Variants in SHROOM3 observed in about 807,000 individuals in gnomAD.
SHROOM3 encodes protein Shroom3.
In SHROOM3, 47 loss-of-function variants were observed where a neutral mutation model predicts 138.6. The observed-to-expected ratio is 0.34, with a 90% CI of 0.27 to 0.43. SHROOM3 has a LOEUF of 0.43. SHROOM3 is among the 20% of genes least tolerant of loss of function. The pLI, the probability that SHROOM3 is intolerant of heterozygous loss-of-function variation, is 1.00. For synonymous variants in SHROOM3, 1,062 were observed against 1,063.3 expected (o/e 1.00, Z 0.02); for missense variants, 2,491 against 2,596.5 (o/e 0.96, Z 0.88).
chr4:76,486,547 G>C (rs533574600), intron 1 of SHROOM3, among the ~76,000 whole-genome samples: 2 of 152,266 alleles, frequency 1.3e-5, no homozygotes, highest in African/African-American at 4.8e-5. Context: ...AAAGTAAAAA[G>C]AAAAAGAGGG....
chr4:76,551,521 A>G (rs1733352469), intron 1 of SHROOM3, among the ~76,000 whole-genome samples: 1 of 152,206 alleles, frequency 6.6e-6, no homozygotes, highest in Admixed American at 6.5e-5. Context: ...ACCATAGCTG[A>G]CCACAGTAGT....
At chr4:76,617,015 C>G (rs1409925161) in intron 2 of SHROOM3, among the ~76,000 whole-genome samples, 1 of 152,154 alleles carries the variant, frequency 6.6e-6, no homozygotes, top group Non-Finnish European at 1.5e-5. Flanking sequence ...AAAAATCAAC[C>G]TACTTTGCAT....
chr4:76,571,945 TG>T (rs1733840302), intron 2 of SHROOM3, among the ~76,000 whole-genome samples: 1 of 152,150 alleles, frequency 6.6e-6, no homozygotes, highest in Non-Finnish European at 1.5e-5. Context: ...GATTTGTCTT[TG>T]TGCTCTGCTA....
At chr4:76,522,404 C>T (rs575641325) in intron 1 of SHROOM3, among the ~76,000 whole-genome samples, 61 of 151,842 alleles carry the variant, frequency 4.0e-4, no homozygotes, top group Non-Finnish European at 7.8e-4. Flanking sequence ...GGTAAAATGT[C>T]ATGCCTAAAG....
intron 1 of SHROOM3, among the ~76,000 whole-genome samples, chr4:76,442,404 G>GTTTT (rs59712445): frequency 1.8e-5 from 2 of 112,354 alleles, no homozygotes; most frequent in African/African-American, 3.3e-5. Flanking sequence ...GCCCTTTATA[G>GTTTT]TTTTTTTTTT....
chr4:76,600,890 T>G (rs1277452410), intron 2 of SHROOM3, among the ~76,000 whole-genome samples: 12 of 152,234 alleles, frequency 7.9e-5, no homozygotes, highest in Non-Finnish European at 2.9e-5. Flanking sequence ...TAAGTATTAC[T>G]GGTTTTGATT....
intron 1 of SHROOM3, among the ~76,000 whole-genome samples, chr4:76,447,266 A>G (rs1305985743): frequency 1.3e-5 from 2 of 152,226 alleles, no homozygotes; most frequent in Non-Finnish European, 2.9e-5. Context: ...AGCACTTTGT[A>G]TATTAAAGTG....
At chr4:76,751,483 A>T (rs1560614203) in intron 6 of SHROOM3, among the ~76,000 whole-genome samples, 1 of 152,222 alleles carries the variant, frequency 6.6e-6, no homozygotes, top group Non-Finnish European at 1.5e-5. Flanking sequence ...TTCATGGGTC[A>T]CAAAGAGACA....
intron 2 of SHROOM3, among the ~76,000 whole-genome samples, chr4:76,590,732 T>C (rs73828174): frequency 1.3e-5 from 2 of 151,974 alleles, no homozygotes; most frequent in Admixed American, 1.3e-4. Context: ...AAGTCTTTCT[T>C]TGGAAAAGAA....
chr4:76,741,414 T>A lies in SHROOM3; in HGVS notation c.3241T>A (p.Phe1081Ile). ...CCTGTCGGGGCCCGAGCTGAAGCAGTTCCAGCAGAGCGCCCTGGCGGACTA... is the reference window on the plus strand; with the variant it reads ...CCTGTCGGGGCCCGAGCTGAAGCAGATCCAGCAGAGCGCCCTGGCGGACTA... Reference protein sequence around the residue: ...LSLSGPELKQFQQSALADYIQ... With the variant: ...LSLSGPELKQIQQSALADYIQ... The change falls in exon 5 of 11, where the codon TTC becomes ATC. Residue 1081 changes from phenylalanine to isoleucine, a missense_variant. Phe to Ile is a conservative substitution (Grantham distance 21, BLOSUM62 0). Around this residue, in one of 4 missense-constraint regions of SHROOM3, gnomAD observed 1,733 missense variants for 1,661.6 expected, o/e 1.04. Coordinates refer to ENST00000296043, the MANE Select transcript of SHROOM3 (RefSeq NM_020859.4). The surrounding 1 kb of genome is among the most constrained non-coding windows in gnomAD (Gnocchi z 6.2). 6.3e-7 allele frequency: 1 copy of A among 1,598,708 alleles called. No homozygotes were observed.
chr4:76,448,727 CT>C (rs1261688238), intron 1 of SHROOM3, among the ~76,000 whole-genome samples: 1 of 152,170 alleles, frequency 6.6e-6, no homozygotes, highest in African/African-American at 2.4e-5. Flanking sequence ...CATTTGAAGT[CT>C]TGTCTCAGGG....
rs139094102 is a variant in SHROOM3, at chr4:76,744,125, C to T, written c.3753+2199C>T. Among the ~76,000 whole-genome samples the T allele has an allele frequency of 4.9e-4, 75 of 152,210 alleles. 1 individual carries two copies. The East Asian group carries it at 5.0e-3, about 10-fold the overall frequency. ...TTAAGAAATAAAGCTAAAACATAGGCGTTGGGAGAAGTGAAGAGATTCCTC... is the reference window on the plus strand; with the variant it reads ...TTAAGAAATAAAGCTAAAACATAGGTGTTGGGAGAAGTGAAGAGATTCCTC... On this transcript the variant is annotated intron_variant, in intron 5 of 10. Transcript: ENST00000296043.
intron 1 of SHROOM3, among the ~76,000 whole-genome samples, chr4:76,525,212 CTTA>C (rs1732664084): frequency 6.6e-6 from 1 of 152,176 alleles, no homozygotes; most frequent in South Asian, 2.1e-4. Context: ...CCTCAGGAAA[CTTA>C]CAGTCATGGT....
At chr4:76,603,845 T>C (rs1326198532) in intron 2 of SHROOM3, among the ~76,000 whole-genome samples, 1 of 146,182 alleles carries the variant, frequency 6.8e-6, no homozygotes, top group Non-Finnish European at 1.5e-5. Flanking sequence ...ATTCTTTTTT[T>C]TTTTTTTTTT....
At chr4:76,590,854 G>A (rs1454934168) in intron 2 of SHROOM3, among the ~76,000 whole-genome samples, 3 of 152,052 alleles carry the variant, frequency 2.0e-5, no homozygotes, top group African/African-American at 2.4e-5. Context: ...TGTTCTTAGC[G>A]ATCCTGTCGG....
intron 1 of SHROOM3, among the ~76,000 whole-genome samples, chr4:76,526,121 G>T (rs1176924768): frequency 6.6e-6 from 1 of 152,098 alleles, no homozygotes; most frequent in Non-Finnish European, 1.5e-5. Flanking sequence ...TAATCCCAGC[G>T]TTTTGGGAGG....
In SHROOM3 at chr4:76,754,405, G is replaced by C; in HGVS notation, c.3922G>C (p.Gly1308Arg). 1 of 1,614,160 alleles carries C rather than the reference G, an allele frequency of 6.2e-7. No homozygotes were observed. Among genetic ancestry groups the C allele is most frequent in the Non-Finnish European group, 8.5e-7 (1 of 1,180,016 alleles). The change falls in exon 7 of 11, where the codon GGT becomes CGT. Residue 1308 changes from glycine (G) to arginine (R), a missense_variant. By Grantham distance (125) the Gly-to-Arg change is moderately radical (BLOSUM62 -2). Around this residue, in one of 4 missense-constraint regions of SHROOM3, gnomAD observed 1,733 missense variants for 1,661.6 expected, o/e 1.04. Transcript: ENST00000296043. Reference sequence around the variant, plus strand: ...GGGTGGTTCAGGCTGCAAAGCCATTGGTGATTCCTCCGTTCCTAGTGAATG... The same window carrying C: ...GGGTGGTTCAGGCTGCAAAGCCATTCGTGATTCCTCCGTTCCTAGTGAATG... The part of the protein sequence containing the change: ...RWGGSGCKAI[G>R]DSSVPSECPG...
At chr4:76,607,918 T>C (rs1411603112) in intron 2 of SHROOM3, among the ~76,000 whole-genome samples, 1 of 152,206 alleles carries the variant, frequency 6.6e-6, no homozygotes, top group Non-Finnish European at 1.5e-5. Flanking sequence ...TGTTAAAATA[T>C]AGCAAGAGTG....
rs753810177 is a variant in SHROOM3, at chr4:76,754,698, C to T, written c.4215C>T (p.Gly1405=). The part of the protein sequence containing the change: ...TQPPGPRGCE[G]DGPEHGVEEG... ...CTCCCGGTCCAAGAGGCTGTGAGGGCGATGGCCCAGAGCATGGGGTAGAAG... is the reference window on the plus strand; with the variant it reads ...CTCCCGGTCCAAGAGGCTGTGAGGGTGATGGCCCAGAGCATGGGGTAGAAG... The change falls in exon 7 of 11, where the codon GGC becomes GGT. Residue 1405 remains glycine, a synonymous_variant. Coordinates refer to ENST00000296043, the MANE Select transcript of SHROOM3 (RefSeq NM_020859.4). 51 of 1,614,028 alleles carry T rather than the reference C, an allele frequency of 3.2e-5. No homozygotes were observed. The highest frequency in any genetic ancestry group is 3.9e-5 in the Non-Finnish European group (46 of 1,180,032).
Sources: gnomAD v4.1 joint callset for allele counts (sites outside exome capture counted in the v4.1 genomes callset) on GRCh38, gnomAD v4.1.1 for gene constraint, gnomAD v4.1.1 regional missense constraint, Gnocchi (gnomAD v3.1) non-coding constraint, MANE v1.5 for transcripts, NCBI Gene and HGNC (gene_info 2026-07-23, HGNC 2026-07-21) for gene names.